Variants in SNX25 observed in about 807,000 individuals in gnomAD.
SNX25 encodes sorting nexin-25.
SNX25 carries 62 observed loss-of-function variants against 113.7 expected under a neutral mutation model. The ratio of observed to expected loss-of-function variants is 0.55; its 90% CI spans 0.44 to 0.67. The LOEUF is 0.67. Ranked by LOEUF, SNX25 falls within the 30% of genes least tolerant of loss-of-function variation. The pLI, the probability that SNX25 is intolerant of heterozygous loss-of-function variation, is 0.00. For synonymous variants in SNX25, 421 were observed against 436.2 expected (o/e 0.97, Z 0.43); for missense variants, 1,014 against 1,161.0 (o/e 0.87, Z 1.84).
intron 1 of SNX25, among the ~76,000 whole-genome samples, chr4:185,215,413 A>G (rs958054285): frequency 4.6e-5 from 7 of 152,220 alleles, no homozygotes; most frequent in African/African-American, 1.7e-4. Flanking sequence ...ACATTCACAC[A>G]GCAATCTACT....
rs975566507 is a variant in SNX25 at position 185,334,278 on chromosome 4, C to T, written c.1914+1519C>T. Among the ~76,000 whole-genome samples, 11 of 152,038 alleles carry T rather than the reference C, an allele frequency of 7.2e-5. No homozygotes were observed. The highest frequency in any genetic ancestry group is 2.1e-4 in the South Asian group (1 of 4,822). On this transcript the variant is annotated intron_variant, in intron 10 of 18. Coordinates refer to ENST00000652585, the MANE Select transcript of SNX25 (RefSeq NM_001378034.2). The surrounding 1 kb of genome is among the most constrained non-coding windows in gnomAD (Gnocchi z 4.2). ...TCTTGAACCCGGGAGGCAGAAGTTG[C>T]GTGAGCCAAGATCATGCCACTGCAC...
At chr4:185,222,418 G>A (rs954730268) in intron 1 of SNX25, among the ~76,000 whole-genome samples, 4 of 148,930 alleles carry the variant, frequency 2.7e-5, no homozygotes, top group East Asian at 2.0e-4. Context: ...CCTCCCTCTC[G>A]GTAGGTATTC....
At chr4:185,284,648 G>A (rs1369737718) in intron 5 of SNX25, among the ~76,000 whole-genome samples, 4 of 152,208 alleles carry the variant, frequency 2.6e-5, no homozygotes, top group South Asian at 2.1e-4. Context: ...AGGCAGGAAT[G>A]TGGGGTTATT....
downstream of SNX25, among the ~76,000 whole-genome samples, chr4:185,371,561 A>AT (rs201110496): frequency 0.026 from 3,917 of 150,668 alleles, 75 homozygotes; most frequent in South Asian, 0.057. Context: ...AAAAAAAAAA[A>AT]AAGGATAATG....
At chr4:185,360,930 A>ATAT (rs1491260048) in intron 16 of SNX25, among the ~76,000 whole-genome samples, 2,856 of 139,602 alleles carry the variant, frequency 0.02, 101 homozygotes, top group African/African-American at 0.074. Flanking sequence ...AAAAAAAAAT[A>ATAT]ATATATATAT....
chr4:185,327,043 C>A (rs531367523), intron 9 of SNX25, among the ~76,000 whole-genome samples: 4 of 152,184 alleles, frequency 2.6e-5, no homozygotes, highest in Non-Finnish European at 5.9e-5. Context: ...TAAAACAATT[C>A]TTTAACCTTT....
At chr4:185,329,611 C>T (rs184161716) in intron 9 of SNX25, among the ~76,000 whole-genome samples, 6 of 151,904 alleles carry the variant, frequency 3.9e-5, no homozygotes, top group East Asian at 1.9e-4. Context: ...GATTAGTGTC[C>T]GATGTTGGAT....
intron 6 of SNX25, 105 bp downstream of exon 6, chr4:185,288,187 T>C: frequency 1.4e-6 from 1 of 735,208 alleles, no homozygotes; most frequent in Non-Finnish European, 2.3e-6. Context: ...TTTTCTGGCT[T>C]ACATTTAAAT....
At chr4:185,314,149 T>C (rs1254626974) in intron 7 of SNX25, among the ~76,000 whole-genome samples, 1 of 152,020 alleles carries the variant, frequency 6.6e-6, no homozygotes, top group African/African-American at 2.4e-5. Context: ...TTAATGCTTA[T>C]AGCAGAAGCG....
At chr4:185,263,779 G>T (rs930545929) in intron 3 of SNX25, among the ~76,000 whole-genome samples, 3 of 152,122 alleles carry the variant, frequency 2.0e-5, no homozygotes, top group Non-Finnish European at 4.4e-5. Context: ...AGGCTTTCTT[G>T]AATCACTATC....
At chr4:185,272,881 C>T (rs1749150194) in intron 5 of SNX25, among the ~76,000 whole-genome samples, 1 of 152,132 alleles carries the variant, frequency 6.6e-6, no homozygotes, top group South Asian at 2.1e-4. Context: ...CATTTTTAAC[C>T]TAAGGTTTCT....
intron 5 of SNX25, among the ~76,000 whole-genome samples, chr4:185,282,626 A>G (rs999838706): frequency 2.2e-4 from 33 of 152,370 alleles, no homozygotes; most frequent in African/African-American, 7.9e-4. Flanking sequence ...TCTGAGGAGC[A>G]GATGGCAGTT....
chr4:185,367,543 T>C (rs1354060132), downstream of SNX25, among the ~76,000 whole-genome samples: 1 of 152,186 alleles, frequency 6.6e-6, no homozygotes, highest in Non-Finnish European at 1.5e-5. Flanking sequence ...ATAAGTAAAA[T>C]GGAGAGCATT....
At chr4:185,357,485 G>GA (rs1406358660) in intron 15 of SNX25, among the ~76,000 whole-genome samples, 186 bp from the exon 16 acceptor site, 1 of 152,204 alleles carries the variant, frequency 6.6e-6, no homozygotes, top group Admixed American at 6.5e-5. Context: ...TTGCTTGGTA[G>GA]AAAATGAAAG....
At chr4:185,305,700 A>G (rs551726973) in intron 6 of SNX25, among the ~76,000 whole-genome samples, 4 of 152,332 alleles carry the variant, frequency 2.6e-5, no homozygotes, top group African/African-American at 9.6e-5. Flanking sequence ...CTAATGTCTA[A>G]TATAAATGTC....
intron 9 of SNX25, among the ~76,000 whole-genome samples, chr4:185,331,074 C>T (rs777697477): frequency 6.6e-6 from 1 of 152,226 alleles, no homozygotes; most frequent in Non-Finnish European, 1.5e-5. Context: ...TGTCTACCTT[C>T]ACCTCGGATT....
At chr4:185,212,645 G>GT (rs777339896) in intron 1 of SNX25, among the ~76,000 whole-genome samples, 37 of 152,142 alleles carry the variant, frequency 2.4e-4, no homozygotes, top group Non-Finnish European at 4.9e-4. Context: ...GTGCCTGGCT[G>GT]TGTGTGCTTT....
intron 1 of SNX25, among the ~76,000 whole-genome samples, chr4:185,216,036 A>C (rs1360898198): frequency 6.6e-6 from 1 of 151,988 alleles, no homozygotes; most frequent in African/African-American, 2.4e-5. Context: ...AGCTCAAGTG[A>C]TCCACCCGTC....
chr4:185,269,854 C>G (rs1748664529), intron 5 of SNX25, among the ~76,000 whole-genome samples: 1 of 152,040 alleles, frequency 6.6e-6, no homozygotes, highest in Admixed American at 6.6e-5. Context: ...GGACTACAGG[C>G]GAGCTCCTGA....
Sources: gnomAD v4.1 joint callset for allele counts (sites outside exome capture counted in the v4.1 genomes callset) on GRCh38, gnomAD v4.1.1 for gene constraint, Gnocchi (gnomAD v3.1) non-coding constraint, MANE v1.5 for transcripts, NCBI Gene and HGNC (gene_info 2026-07-23, HGNC 2026-07-21) for gene names.